Variants in UBA6 observed in about 807,000 individuals in gnomAD.
UBA6 encodes ubiquitin like modifier activating enzyme 6.
UBA6 carries 87 observed loss-of-function variants against 148.3 expected under a neutral mutation model. The observed-to-expected ratio is 0.59, with a 90% CI of 0.49 to 0.70. The LOEUF is 0.70. Among genes scored for constraint, UBA6 ranks in the 30% least tolerant of loss-of-function variants. The pLI is 0.00. For missense variants in UBA6, 1,186 were observed against 1,241.2 expected, an observed-to-expected ratio of 0.96 and a Z score of 0.67; for synonymous variants, 376 against 401.0, an observed-to-expected ratio of 0.94 and a Z score of 0.75.
chr4:67,691,823 G>GT (rs111450833), intron 2 of UBA6, among the ~76,000 whole-genome samples: 16,138 of 151,824 alleles, frequency 0.11, 1,149 homozygotes, highest in African/African-American at 0.19. Flanking sequence ...AGCCATCATT[G>GT]TAACTACACC....
intron 2 of UBA6, among the ~76,000 whole-genome samples, chr4:67,692,567 G>C (rs1429269231): frequency 1.3e-5 from 2 of 152,102 alleles, no homozygotes; most frequent in Non-Finnish European, 2.9e-5. Flanking sequence ...TTTCTGGATT[G>C]GTTCCATTGA....
chr4:67,668,433 G>C, intron 9 of UBA6, 118 bp downstream of exon 9: 1 of 896,520 alleles, frequency 1.1e-6, no homozygotes, highest in East Asian at 2.5e-5. Flanking sequence ...CGAATATTTT[G>C]AGGCCAAGGG....
chr4:67,655,030 C>G (rs1729651974), intron 13 of UBA6, among the ~76,000 whole-genome samples: 1 of 152,154 alleles, frequency 6.6e-6, no homozygotes, highest in East Asian at 1.9e-4. Context: ...CAGGTGCACC[C>G]TGATTCATAA....
intron 32 of UBA6, among the ~76,000 whole-genome samples, chr4:67,619,495 G>A (rs1728703389): frequency 6.6e-6 from 1 of 152,120 alleles, no homozygotes; most frequent in Non-Finnish European, 1.5e-5. Context: ...GGCCCACATG[G>A]CGAAACCCCA....
rs780196334 is a variant in UBA6, at chr4:67,701,112, C to G, written c.8G>C (p.Gly3Ala). 1 of 1,613,136 alleles carries G rather than the reference C, an allele frequency of 6.2e-7. No individual in the cohort carries two copies. Among genetic ancestry groups the G allele is most frequent in the Non-Finnish European group, 8.5e-7 (1 of 1,179,830 alleles). ...CTGATGGGCGGCCACAGGCTCGGAT[C>G]CTTCCATTGCCGCCTGAGACACCGC... is the stretch of plus-strand genomic sequence containing the variant. ME[G>A]SEPVAAHQGE... Residue 3 changes from glycine (G) to alanine (A), a missense_variant, in exon 1 of 33, where the codon GGA (glycine) becomes GCA (alanine). Gly to Ala is a moderately conservative substitution (Grantham distance 60). Transcript: ENST00000322244.
chr4:67,697,857 T>C (rs1460576404), intron 1 of UBA6, among the ~76,000 whole-genome samples: 1 of 152,220 alleles, frequency 6.6e-6, no homozygotes, highest in Non-Finnish European at 1.5e-5. Flanking sequence ...AGTCTAAATA[T>C]CTTAAAATGC....
At chr4:67,649,413 T>C (rs1400250966) in intron 13 of UBA6, among the ~76,000 whole-genome samples, 3 of 152,234 alleles carry the variant, frequency 2.0e-5, no homozygotes, top group African/African-American at 7.2e-5. Flanking sequence ...CCTTTACTAG[T>C]ATCTGCCCAT....
intron 30 of UBA6, among the ~76,000 whole-genome samples, chr4:67,623,766 A>C (rs1728804781): frequency 6.6e-6 from 1 of 152,004 alleles, no homozygotes; most frequent in South Asian, 2.1e-4. Context: ...GGTTGTTGCC[A>C]ATCTGAAAAC....
chr4:67,624,105 G>T (rs1194956062), intron 30 of UBA6, 21 bp downstream of exon 30: 3 of 1,538,684 alleles, frequency 1.9e-6, no homozygotes, highest in Non-Finnish European at 2.6e-6. Context: ...TTATACAAGA[G>T]AAATAGACTT....
intron 2 of UBA6, among the ~76,000 whole-genome samples, chr4:67,693,134 T>C (rs1730734926): frequency 6.6e-6 from 1 of 152,168 alleles, no homozygotes; most frequent in East Asian, 1.9e-4. Context: ...CCACCTCTTT[T>C]GATTCTGCCA....
intron 1 of UBA6, 121 bp downstream of exon 1, chr4:67,700,928 C>G: frequency 8.0e-7 from 1 of 1,245,570 alleles, no homozygotes; most frequent in Non-Finnish European, 1.1e-6. Flanking sequence ...CCTCCCAGGG[C>G]CGGCTCTGCT....
At chr4:67,698,994 TG>T (rs1239599477) in intron 1 of UBA6, among the ~76,000 whole-genome samples, 1 of 151,926 alleles carries the variant, frequency 6.6e-6, no homozygotes, top group Non-Finnish European at 1.5e-5. Context: ...AAAAAAACCC[TG>T]TTAAATGAAT....
At position 67,626,363 on chromosome 4, in the gene UBA6, T is replaced by C; in HGVS notation, c.2515A>G (p.Lys839Glu). The C allele has an allele frequency of 1.3e-6, 2 of 1,598,306 alleles. No individual in the cohort carries two copies. The highest frequency in any genetic ancestry group is 1.7e-6 in the Non-Finnish European group (2 of 1,167,040). Residue 839 changes from lysine (K) to glutamate (E), a missense_variant, in exon 28 of 33, where the codon AAA becomes GAA. Coordinates refer to ENST00000322244, the MANE Select transcript of UBA6 (RefSeq NM_018227.6). Reference sequence around the variant, plus strand: ...TTTTATAAAGATTTTCCCTTACTTTTGGTGGCTTCATTAGATAAAATAGCC... The same window carrying C: ...TTTTATAAAGATTTTCCCTTACTTTCGGTGGCTTCATTAGATAAAATAGCC... ...EKAILSNEAT[K>E]SDLQMAVLSF...
chr4:67,624,094 A>C (rs772197795), intron 30 of UBA6, 32 bp downstream of exon 30: 1 of 1,491,144 alleles, frequency 6.7e-7, no homozygotes, highest in East Asian at 2.3e-5. Flanking sequence ...TTTCATTCTC[A>C]TTATACAAGA....
intron 11 of UBA6, 42 bp from the exon 12 acceptor site, chr4:67,663,257 T>G (rs925292129): frequency 1.4e-6 from 2 of 1,396,424 alleles, no homozygotes; most frequent in Non-Finnish European, 2.0e-6. Flanking sequence ...TACTGAGTGG[T>G]TGTATGTCCC....
Position 67,631,922 on chromosome 4 carries a change from A to G in UBA6, c.2143-14T>C. The stretch of plus-strand genomic sequence containing the variant: ...AAGCTGAAGAGCCTAAAGAAAAAAA[A>G]TGAATTAAAGACACCCACTACTTAA... On this transcript the variant is annotated splice_polypyrimidine_tract_variant and intron_variant, in intron 23 of 32. Coordinates refer to ENST00000322244, the MANE Select transcript of UBA6 (RefSeq NM_018227.6). 2 of 1,608,048 alleles carry G rather than the reference A, an allele frequency of 1.2e-6. No individual in the cohort carries two copies. The highest frequency in any genetic ancestry group is 1.7e-6 in the Non-Finnish European group (2 of 1,177,644).
intron 3 of UBA6, 28 bp downstream of exon 3, chr4:67,682,091 A>ACAC: frequency 6.5e-7 from 1 of 1,538,012 alleles, no homozygotes; most frequent in Non-Finnish European, 9.0e-7. Flanking sequence ...CAAAAGTGTC[A>ACAC]AAAATTAGGA....
chr4:67,625,784 G>C (rs542806621), intron 28 of UBA6, among the ~76,000 whole-genome samples: 1 of 151,854 alleles, frequency 6.6e-6, no homozygotes, highest in Admixed American at 6.6e-5. Context: ...CGGTGAGCAG[G>C]TCAAAACAGA....
At chr4:67,673,282 C>G in intron 7 of UBA6, among the ~76,000 whole-genome samples, 1 of 151,928 alleles carries the variant, frequency 6.6e-6, no homozygotes, top group African/African-American at 2.4e-5. Flanking sequence ...GGCTTGGTGG[C>G]GGGTGCCTGT....
Sources: allele counts gnomAD v4.1 joint callset (sites outside exome capture counted in the v4.1 genomes callset), GRCh38; gene constraint gnomAD v4.1.1; transcripts MANE v1.5; gene names NCBI Gene and HGNC (gene_info 2026-07-23, HGNC 2026-07-21).